The following ADAMTS9 variants were observed in gnomAD, a reference collection of about 807,000 sequenced individuals.
ADAMTS9 encodes ADAM metallopeptidase with thrombospondin type 1 motif 9, also known as A disintegrin and metalloproteinase with thrombospondin motifs 9.
A neutral mutation model predicts 257.1 loss-of-function variants in ADAMTS9; 107 were observed. The ratio of observed to expected loss-of-function variants is 0.42; its 90% CI spans 0.36 to 0.49. The LOEUF (loss-of-function observed/expected upper bound fraction) is 0.49. Ranked by LOEUF, ADAMTS9 falls within the 20% of genes least tolerant of loss-of-function variation. ADAMTS9 has a pLI of 0.03. For synonymous variants in ADAMTS9, 982 were observed against 880.9 expected, an observed-to-expected ratio of 1.11 and a Z score of -2.03; for missense variants, 2,353 against 2,469.1, an observed-to-expected ratio of 0.95 and a Z score of 1.00.
intron 3 of ADAMTS9, among the ~76,000 whole-genome samples, chr3:64,677,616 A>G (rs1238678122): frequency 1.3e-5 from 2 of 152,086 alleles, no homozygotes; most frequent in African/African-American, 4.8e-5. Context: ...TTCTATTTTC[A>G]TGAACCTTAA....
chr3:64,540,798 C>CTTCATTCATTCA (rs145689016), intron 36 of ADAMTS9, among the ~76,000 whole-genome samples: 183 of 152,184 alleles, frequency 1.2e-3, no homozygotes, highest in African/African-American at 3.5e-3. Context: ...CTTTCACCTA[C>CTTCATTCATTCA]TTCATTCATT....
chr3:64,594,675 T>G (rs185873027), intron 27 of ADAMTS9, among the ~76,000 whole-genome samples: 5 of 152,344 alleles, frequency 3.3e-5, no homozygotes, highest in Non-Finnish European at 7.3e-5. Context: ...CTTTTGCATA[T>G]ATTATCTAAT....
chr3:64,602,554 A>G (rs1247921883), intron 25 of ADAMTS9, among the ~76,000 whole-genome samples: 5 of 152,104 alleles, frequency 3.3e-5, no homozygotes, highest in Admixed American at 3.3e-4. Context: ...CCTTTGACCC[A>G]TCTACCATTC....
chr3:64,619,475 G>C (rs994494584), intron 19 of ADAMTS9, among the ~76,000 whole-genome samples: 3 of 152,102 alleles, frequency 2.0e-5, no homozygotes, highest in Non-Finnish European at 4.4e-5. Context: ...CCACTAACTC[G>C]TTGTGTGAGC....
At chr3:64,610,039 G>A (rs1389662269) in intron 22 of ADAMTS9, among the ~76,000 whole-genome samples, 3 of 152,144 alleles carry the variant, frequency 2.0e-5, no homozygotes, top group Non-Finnish European at 4.4e-5. Flanking sequence ...TTCAGCAAGT[G>A]GTGTTGAGAC....
intron 4 of ADAMTS9, among the ~76,000 whole-genome samples, chr3:64,656,540 C>G (rs980960055): frequency 1.3e-5 from 2 of 152,148 alleles, no homozygotes; most frequent in Non-Finnish European, 2.9e-5. Context: ...AATTAAGTCA[C>G]TTGTCTGAGG....
intron 38 of ADAMTS9, among the ~76,000 whole-genome samples, chr3:64,528,785 T>C (rs2082941774): frequency 6.6e-6 from 1 of 152,228 alleles, no homozygotes; most frequent in East Asian, 1.9e-4. Flanking sequence ...TACATTTTTA[T>C]TTCATTTATG....
intron 20 of ADAMTS9, among the ~76,000 whole-genome samples, chr3:64,615,700 G>A (rs559204845): frequency 3.9e-5 from 6 of 152,178 alleles, no homozygotes; most frequent in South Asian, 4.1e-4. Context: ...AAATAAAACC[G>A]GAAATGGCTT....
At chr3:64,569,054 T>G (rs1021161209) in intron 28 of ADAMTS9, 6 of 154,990 alleles carry the variant, frequency 3.9e-5, no homozygotes, top group African/African-American at 1.4e-4. Context: ...CGTTAGAAAC[T>G]GAAAGGTAAG....
chr3:64,581,627 G>C (rs994210426), intron 28 of ADAMTS9, among the ~76,000 whole-genome samples: 1 of 152,130 alleles, frequency 6.6e-6, no homozygotes, highest in Non-Finnish European at 1.5e-5. Context: ...TTACCGGTAA[G>C]ATTACAGTTA....
chr3:64,661,636 T>G (rs945197676), intron 3 of ADAMTS9, among the ~76,000 whole-genome samples: 2 of 152,164 alleles, frequency 1.3e-5, no homozygotes, highest in African/African-American at 2.4e-5. Context: ...TGAAATGAGC[T>G]CATGATTTGG....
Position 64,566,746 on chromosome 3 carries a change from C to A in ADAMTS9, c.4524+1622G>T, listed in dbSNP as rs537580790. ...GGTAAATAAAACAGATAAGTAGAGG[C>A]CAAGGAACATTAAAAAAAAAAGTAA... On this transcript the variant is annotated intron_variant, in intron 29 of 39. Coordinates refer to ENST00000498707, the MANE Select transcript of ADAMTS9 (RefSeq NM_182920.2). 2.6e-5 allele frequency among the ~76,000 whole-genome samples: 4 copies of A among 151,616 alleles called. No individual in the cohort carries two copies. In the South Asian group the frequency reaches 8.4e-4, roughly 32 times the overall value.
In ADAMTS9 at chr3:64,575,016, C is replaced by T. The variant is rs573078767; in HGVS notation, c.4357-6481G>A. Among the ~76,000 whole-genome samples, 28 of 152,294 alleles carry T rather than the reference C, an allele frequency of 1.8e-4. No individual in the cohort carries two copies. The South Asian group carries it at 5.8e-3, about 32-fold the overall frequency. On this transcript the variant is annotated intron_variant, in intron 28 of 39. Transcript: ENST00000498707. ...CACTATAAAAAGCAAACATACAATCCCATAAATAAAGGGCCACATTTCCCC... is the reference window on the plus strand; with the variant it reads ...CACTATAAAAAGCAAACATACAATCTCATAAATAAAGGGCCACATTTCCCC...
At position 64,622,213 on chromosome 3, in the gene ADAMTS9, T is replaced by C. The variant is rs377503949; in HGVS notation, c.2671A>G (p.Ser891Gly). The C allele has an allele frequency of 5.5e-5, 88 of 1,613,796 alleles. No homozygotes were observed. The highest frequency in any genetic ancestry group is 7.2e-5 in the Non-Finnish European group (85 of 1,179,810). The change falls in exon 18 of 40, where the codon AGT becomes GGT. Residue 891 changes from serine to glycine, a missense_variant. By Grantham distance (56) the Ser-to-Gly change is moderately conservative. Coordinates refer to ENST00000498707, the MANE Select transcript of ADAMTS9 (RefSeq NM_182920.2). ...AAGCAGATACCTTGGCAGGGTTTAC[T>C]GCATGCTTGCCATGGCCCATGACTG... ...WNSHGPWQAC[S>G]KPCQGERKRK...
intron 8 of ADAMTS9, among the ~76,000 whole-genome samples, chr3:64,651,998 T>A (rs1365374850): frequency 6.6e-6 from 1 of 152,106 alleles, no homozygotes; most frequent in Non-Finnish European, 1.5e-5. Flanking sequence ...GGAAAAAAAA[T>A]AGGAAGTATT....
At chr3:64,518,464 G>C (rs972006383) in intron 39 of ADAMTS9, among the ~76,000 whole-genome samples, 5 of 152,122 alleles carry the variant, frequency 3.3e-5, no homozygotes, top group African/African-American at 7.2e-5. Flanking sequence ...AGACTGACCA[G>C]TTCCGTCTTT....
At chr3:64,546,624 C>G in intron 32 of ADAMTS9, 134 bp downstream of exon 32, 1 of 907,622 alleles carries the variant, frequency 1.1e-6, no homozygotes. Context: ...TCCCTGTTAG[C>G]CCATTTCAAG....
At chr3:64,658,327 C>A (rs1186282947) in intron 4 of ADAMTS9, among the ~76,000 whole-genome samples, 175 bp downstream of exon 4, 1 of 152,176 alleles carries the variant, frequency 6.6e-6, no homozygotes, top group East Asian at 1.9e-4. Context: ...GTATTGATAA[C>A]CACTGTTGTC....
chr3:64,536,613 C>T (rs974709351), intron 37 of ADAMTS9, among the ~76,000 whole-genome samples: 13 of 152,178 alleles, frequency 8.5e-5, no homozygotes, highest in African/African-American at 2.4e-4. Context: ...CTCTACTGAG[C>T]GGCAGCTGTG....
Sources: allele counts gnomAD v4.1 joint callset (sites outside exome capture counted in the v4.1 genomes callset), GRCh38; gene constraint gnomAD v4.1.1; transcripts MANE v1.5; gene names NCBI Gene and HGNC (gene_info 2026-07-23, HGNC 2026-07-21).